The following DPF3 variants were observed in gnomAD, a reference collection of about 807,000 sequenced individuals.
DPF3 encodes the protein zinc finger protein DPF3.
In DPF3, 18 loss-of-function variants were observed where a neutral mutation model predicts 56.8. That is an observed-to-expected ratio of 0.32 (90% CI 0.22 to 0.47). The LOEUF (loss-of-function observed/expected upper bound fraction) is 0.47, where lower values mean the gene tolerates loss of function less well. Ranked by LOEUF, DPF3 falls within the 20% of genes least tolerant of loss-of-function variation. The probability of loss-of-function intolerance (pLI) is 1.00; values close to 1 mark genes in which losing one functional copy is unlikely to be tolerated. For missense variants in DPF3, 403 were observed against 488.8 expected, an observed-to-expected ratio of 0.82 and a Z score of 1.65; for synonymous variants, 188 against 180.2, an observed-to-expected ratio of 1.04 and a Z score of -0.35.
chr14:72,893,993 A>G, intron 1 of DPF3, 64 bp downstream of exon 1: 1 of 1,597,826 alleles, frequency 6.3e-7, no homozygotes, highest in Non-Finnish European at 8.5e-7. Context: ...CTCGCCACGC[A>G]GAAGGCGCCT....
In DPF3 at chr14:72,728,774, A is replaced by G. The variant is rs74805870; in HGVS notation, c.429+3033T>C. 4.8e-3 allele frequency among the ~76,000 whole-genome samples: 731 copies of G among 152,274 alleles called. 8 individuals carry two copies. Among genetic ancestry groups the G allele is most frequent in the African/African-American group, 0.017 (706 of 41,544 alleles). On this transcript the variant is annotated intron_variant, in intron 4 of 10. Transcript: ENST00000556509. ...AACGGATCCTGCCCTCGAGGAGTTT[A>G]CATTCTACTGGAAGAAAACAGACAA...
At chr14:72,882,150 G>A (rs1487508977) in intron 1 of DPF3, among the ~76,000 whole-genome samples, 3 of 152,178 alleles carry the variant, frequency 2.0e-5, no homozygotes, top group Non-Finnish European at 4.4e-5. Context: ...GACCAGGGAA[G>A]GCAGTGCAGA....
chr14:72,827,790 C>T (rs1167541386), intron 1 of DPF3, among the ~76,000 whole-genome samples: 1 of 151,916 alleles, frequency 6.6e-6, no homozygotes, highest in Non-Finnish European at 1.5e-5. Flanking sequence ...CCCCTTTACT[C>T]TTAAATACAG....
intron 1 of DPF3, among the ~76,000 whole-genome samples, chr14:72,872,286 T>A (rs1252585091): frequency 1.3e-5 from 2 of 152,230 alleles, no homozygotes; most frequent in Non-Finnish European, 2.9e-5. Context: ...CGTGAAGGTC[T>A]CTGACATGGC....
chr14:72,763,573 T>C (rs1256496643), intron 2 of DPF3, among the ~76,000 whole-genome samples: 1 of 152,052 alleles, frequency 6.6e-6, no homozygotes, highest in Non-Finnish European at 1.5e-5. Flanking sequence ...CTTTGTACCA[T>C]ATACAAAATT....
At chr14:72,804,802 C>T (rs765632002) in intron 1 of DPF3, among the ~76,000 whole-genome samples, 6 of 151,994 alleles carry the variant, frequency 3.9e-5, no homozygotes, top group East Asian at 1.9e-4. Context: ...TTTCCAGGGA[C>T]GTTGGTATAA....
intron 1 of DPF3, among the ~76,000 whole-genome samples, chr14:72,836,671 C>T (rs902063739): frequency 3.1e-4 from 47 of 152,038 alleles, no homozygotes; most frequent in Admixed American, 3.0e-3. Flanking sequence ...TGTCTTATCT[C>T]GATCTGGGAC....
chr14:72,817,455 G>A (rs900689084), intron 1 of DPF3, among the ~76,000 whole-genome samples: 6 of 152,084 alleles, frequency 3.9e-5, no homozygotes, highest in South Asian at 2.1e-4. Flanking sequence ...TCAGAGGTTC[G>A]AGACCAGCCT....
intron 6 of DPF3, among the ~76,000 whole-genome samples, chr14:72,701,935 C>A (rs1888181108): frequency 6.6e-6 from 1 of 152,218 alleles, no homozygotes; most frequent in Non-Finnish European, 1.5e-5. Context: ...CCCCACCATG[C>A]CTGTCATCTG....
At chr14:72,772,835 T>G (rs1273766772) in intron 1 of DPF3, among the ~76,000 whole-genome samples, 1 of 152,032 alleles carries the variant, frequency 6.6e-6, no homozygotes, top group Non-Finnish European at 1.5e-5. Flanking sequence ...GAAATACAAA[T>G]GTAATAACAT....
At chr14:72,866,877 G>A (rs1340487835) in intron 1 of DPF3, among the ~76,000 whole-genome samples, 8 of 149,592 alleles carry the variant, frequency 5.3e-5, no homozygotes, top group Admixed American at 3.3e-4. Flanking sequence ...CACCCGACTC[G>A]GCCTCCCAAA....
At chr14:72,758,261 A>G (rs546790340) in intron 2 of DPF3, among the ~76,000 whole-genome samples, 3 of 152,218 alleles carry the variant, frequency 2.0e-5, no homozygotes, top group African/African-American at 4.8e-5. Flanking sequence ...TTTTGAAGAC[A>G]ATGAACATCA....
At chr14:72,796,252 G>A (rs1892642175) in intron 1 of DPF3, among the ~76,000 whole-genome samples, 1 of 148,974 alleles carries the variant, frequency 6.7e-6, no homozygotes, top group Non-Finnish European at 1.5e-5. Context: ...GCTCATGCCT[G>A]TAATTCCAGA....
intron 1 of DPF3, among the ~76,000 whole-genome samples, chr14:72,882,140 G>C (rs1886349485): frequency 6.6e-6 from 1 of 152,122 alleles, no homozygotes; most frequent in Admixed American, 6.5e-5. Context: ...TTATCTGAGG[G>C]ACCAGGGAAG....
At chr14:72,710,837 A>G (rs1052497628) in intron 6 of DPF3, among the ~76,000 whole-genome samples, 1 of 152,268 alleles carries the variant, frequency 6.6e-6, no homozygotes, top group East Asian at 1.9e-4. Context: ...CAAGGTAATT[A>G]AAAGAGACTG....
At chr14:72,876,580 C>T (rs895426401) in intron 1 of DPF3, among the ~76,000 whole-genome samples, 4 of 152,212 alleles carry the variant, frequency 2.6e-5, no homozygotes, top group East Asian at 3.9e-4. Context: ...GTGTGCTCTC[C>T]TCCATGCAGT....
chr14:72,780,804 T>C (rs1237012308), intron 1 of DPF3, among the ~76,000 whole-genome samples: 4 of 152,058 alleles, frequency 2.6e-5, no homozygotes, highest in Non-Finnish European at 5.9e-5. Flanking sequence ...TGATTCTCAA[T>C]GCTGCTGACA....
intron 4 of DPF3, 77 bp from the exon 5 acceptor site, chr14:72,723,805 G>A: frequency 1.4e-6 from 2 of 1,380,716 alleles, no homozygotes; most frequent in Non-Finnish European, 9.9e-7. Context: ...AATTTTAAGG[G>A]TGTTCTGATT....
At position 72,658,981 on chromosome 14, in the gene DPF3, A is replaced by G. The variant is rs187684918; in HGVS notation, c.871+15259T>C. On this transcript the variant is annotated intron_variant, in intron 8 of 10. Coordinates refer to ENST00000556509, the MANE Select transcript of DPF3 (RefSeq NM_001280542.3). ...TGAAAAATGGGGAGATCTCATCAAA[A>G]TGTTTGAATTGTGACCTCCCTTGAA... Among the ~76,000 whole-genome samples the G allele has an allele frequency of 1.6e-3, 237 of 151,898 alleles. 3 individuals are homozygous for G. Among genetic ancestry groups the G allele is most frequent in the African/African-American group, 5.5e-3 (226 of 41,410 alleles).
Sources: allele counts gnomAD v4.1 joint callset (sites outside exome capture counted in the v4.1 genomes callset), GRCh38; gene constraint gnomAD v4.1.1; transcripts MANE v1.5; gene names NCBI Gene and HGNC (gene_info 2026-07-23, HGNC 2026-07-21).